The following RANBP2 variants were observed in gnomAD, a reference collection of about 807,000 sequenced individuals.
RANBP2 encodes the protein RAN binding protein 2, also known as E3 SUMO-protein ligase RanBP2.
In RANBP2, 57 loss-of-function variants were observed where a neutral mutation model predicts 303.6. That is an observed-to-expected ratio of 0.19 (90% confidence interval 0.15 to 0.23). RANBP2 has a LOEUF of 0.23. Ranked by LOEUF, RANBP2 falls within the 10% of genes least tolerant of loss-of-function variation. The pLI, the probability that RANBP2 is intolerant of heterozygous loss-of-function variation, is 1.00. For synonymous variants in RANBP2, 1,167 were observed against 1,301.5 expected, an observed-to-expected ratio of 0.90 and a Z score of 2.23; for missense variants, 3,138 against 3,780.8, an observed-to-expected ratio of 0.83 and a Z score of 4.46.
the RANBP2 span, among the ~76,000 whole-genome samples, chr2:109,516,203 AT>A: frequency 6.6e-6 from 1 of 151,824 alleles, no homozygotes; most frequent in South Asian, 2.1e-4. Flanking sequence ...TCTACAACAC[AT>A]GGGCCCGAGC....
At chr2:109,572,991 A>C in the RANBP2 span, among the ~76,000 whole-genome samples, 5 of 152,226 alleles carry the variant, frequency 3.3e-5, no homozygotes, top group Non-Finnish European at 7.3e-5. Flanking sequence ...AAAATAAAGA[A>C]TATATTTAAA....
chr2:109,357,924 G>A, the RANBP2 span, among the ~76,000 whole-genome samples: 4,399 of 152,162 alleles, frequency 0.029, 159 homozygotes, highest in African/African-American at 0.089. Context: ...TTGACAAATC[G>A]TTATTACTCT....
the RANBP2 span, among the ~76,000 whole-genome samples, chr2:109,029,338 A>G: frequency 6.6e-6 from 1 of 152,124 alleles, no homozygotes; most frequent in Non-Finnish European, 1.5e-5. Flanking sequence ...TAAAGCTAGT[A>G]AAGCATCCAG....
the RANBP2 span, among the ~76,000 whole-genome samples, chr2:109,209,758 G>T: frequency 6.6e-6 from 1 of 152,142 alleles, no homozygotes. Context: ...AGAGTAAATG[G>T]TTTGTTCACC....
At chr2:109,536,350 G>C in the RANBP2 span, among the ~76,000 whole-genome samples, 5 of 152,240 alleles carry the variant, frequency 3.3e-5, no homozygotes, top group Non-Finnish European at 5.9e-5. Flanking sequence ...CACATGACCT[G>C]GAGGTGAGAC....
chr2:109,062,062 G>A, the RANBP2 span, among the ~76,000 whole-genome samples: 1 of 152,224 alleles, frequency 6.6e-6, no homozygotes, highest in Non-Finnish European at 1.5e-5. Flanking sequence ...GAGGGAGGCA[G>A]AATGGCTGGG....
the RANBP2 span, among the ~76,000 whole-genome samples, chr2:109,088,311 C>T: frequency 2.0e-5 from 3 of 147,120 alleles, no homozygotes; most frequent in Admixed American, 6.9e-5. Context: ...GCAGGAGAAT[C>T]GCTTGAACCC....
At chr2:109,106,709 C>T in the RANBP2 span, among the ~76,000 whole-genome samples, 2 of 151,732 alleles carry the variant, frequency 1.3e-5, no homozygotes, top group South Asian at 2.1e-4. Context: ...TGGTGGCGGG[C>T]GCCTGTAGTC....
At chr2:109,613,907 C>G in the RANBP2 span, 11 of 1,228,032 alleles carry the variant, frequency 9.0e-6, no homozygotes, top group South Asian at 2.8e-4. Flanking sequence ...GGCGGGAAGG[C>G]CGGAGGGCAG....
chr2:109,323,930 G>C, the RANBP2 span, among the ~76,000 whole-genome samples: 19 of 152,242 alleles, frequency 1.2e-4, no homozygotes, highest in Non-Finnish European at 2.5e-4. Context: ...TTCCATCACT[G>C]TAAAAAGAAA....
At chr2:109,224,324 G>A in the RANBP2 span, among the ~76,000 whole-genome samples, 1 of 152,312 alleles carries the variant, frequency 6.6e-6, no homozygotes, top group African/African-American at 2.4e-5. Context: ...GTCACATATT[G>A]GACAAATAAG....
rs561771688 is a variant in RANBP2 at position 108,754,450 on chromosome 2, A to G, written c.2203-455A>G. On this transcript the variant is annotated intron_variant, in intron 15 of 28. Coordinates refer to ENST00000283195, the MANE Select transcript of RANBP2 (RefSeq NM_006267.5). ...GTTCAGTCTTCTGAGTGTTTTGTTG[A>G]TTAATTTGTGTTACTACTCTTTTAT... Among the ~76,000 whole-genome samples, 54 of 150,688 alleles carry G rather than the reference A, an allele frequency of 3.6e-4. 1 individual carries two copies. In the South Asian group the frequency reaches 9.4e-3, roughly 26 times the overall value.
At chr2:109,737,153 C>T in the RANBP2 span, 2 of 933,524 alleles carry the variant, frequency 2.1e-6, no homozygotes, top group African/African-American at 1.7e-5. Context: ...TCGTCTTCCT[C>T]CTCTTCTTCG....
chr2:109,076,289 T>C, the RANBP2 span, among the ~76,000 whole-genome samples: 345 of 150,890 alleles, frequency 2.3e-3, no homozygotes, highest in Middle Eastern at 0.014. Flanking sequence ...GAACTTACCT[T>C]AATCCAATAA....
the RANBP2 span, among the ~76,000 whole-genome samples, chr2:109,736,740 C>T: frequency 6.6e-6 from 1 of 152,078 alleles, no homozygotes; most frequent in Non-Finnish European, 1.5e-5. Flanking sequence ...AGAAAGATGT[C>T]ACGTTTTGTT....
the RANBP2 span, chr2:109,564,570 A>G: frequency 7.6e-6 from 11 of 1,449,828 alleles, no homozygotes; most frequent in African/African-American, 5.7e-5. Flanking sequence ...ACAACACTGG[A>G]TTTTAATTCC....
the RANBP2 span, among the ~76,000 whole-genome samples, chr2:109,611,119 C>A: frequency 2.0e-5 from 3 of 152,198 alleles, no homozygotes; most frequent in Non-Finnish European, 4.4e-5. Flanking sequence ...GGTGCTGGAG[C>A]AACTGGACAT....
At chr2:109,396,292 T>C in the RANBP2 span, among the ~76,000 whole-genome samples, 4 of 152,212 alleles carry the variant, frequency 2.6e-5, no homozygotes, top group African/African-American at 9.6e-5. Context: ...GCAAAACAGC[T>C]GAGCCTGGTT....
chr2:109,724,989 GGAGAA>G, the RANBP2 span, among the ~76,000 whole-genome samples: 3 of 152,184 alleles, frequency 2.0e-5, no homozygotes, highest in Non-Finnish European at 4.4e-5. Context: ...AAACAAGGTG[GGAGAA>G]CAGGGTGATC....
Sources: allele counts gnomAD v4.1 joint callset (sites outside exome capture counted in the v4.1 genomes callset), GRCh38; gene constraint gnomAD v4.1.1; transcripts MANE v1.5; gene names NCBI Gene and HGNC (gene_info 2026-07-23, HGNC 2026-07-21).